Variants in SNX29 observed in about 807,000 individuals in gnomAD.
SNX29 encodes the protein sorting nexin-29.
A neutral mutation model predicts 102.1 loss-of-function variants in SNX29; 78 were observed. That is an observed-to-expected ratio of 0.76 (90% CI 0.64 to 0.92). SNX29 has a LOEUF of 0.92. Among genes scored for constraint, SNX29 ranks in the 40% least tolerant of loss-of-function variants. The probability of loss-of-function intolerance (pLI) is 0.00; values close to 1 mark genes in which losing one functional copy is unlikely to be tolerated. For synonymous variants in SNX29, 580 were observed against 414.5 expected, an observed-to-expected ratio of 1.40 and a Z score of -4.85; for missense variants, 1,280 against 1,061.7, an observed-to-expected ratio of 1.21 and a Z score of -2.86.
intron 15 of SNX29, among the ~76,000 whole-genome samples, chr16:12,344,077 G>A (rs2151268820): frequency 6.6e-6 from 1 of 152,274 alleles, no homozygotes; most frequent in South Asian, 2.1e-4. Context: ...TCTTTCTCTT[G>A]GCTCTCATTC....
chr16:12,506,407 G>C (rs776135450), intron 19 of SNX29, among the ~76,000 whole-genome samples: 7 of 152,222 alleles, frequency 4.6e-5, no homozygotes, highest in Non-Finnish European at 7.3e-5. Flanking sequence ...GGAAGTGGGA[G>C]ATGTTTGAAA....
At chr16:12,126,843 G>T (rs923460806) in intron 12 of SNX29, 147 bp downstream of exon 12, 3 of 784,530 alleles carry the variant, frequency 3.8e-6, no homozygotes, top group Non-Finnish European at 6.3e-6. Flanking sequence ...ATGCCACTGT[G>T]GTATCTCTCT....
intron 16 of SNX29, among the ~76,000 whole-genome samples, chr16:12,364,416 C>CTTCTTTTTTTTTTTTTTTTTTTTTTTTT (rs1555520124): frequency 1.1e-4 from 11 of 98,770 alleles, no homozygotes; most frequent in African/African-American, 3.7e-4. Context: ...CTCTCTTCTT[C>CTTCTTTTTTTTTTTTTTTTTTTTTTTTT]TTTTTTTTTT....
At chr16:12,285,770 T>C (rs1020498896) in intron 15 of SNX29, among the ~76,000 whole-genome samples, 1 of 152,240 alleles carries the variant, frequency 6.6e-6, no homozygotes, top group Non-Finnish European at 1.5e-5. Flanking sequence ...GGATTTTTTA[T>C]AAGGACTCAG....
intron 18 of SNX29, among the ~76,000 whole-genome samples, chr16:12,452,046 T>A (rs1406371627): frequency 6.6e-6 from 1 of 152,172 alleles, no homozygotes; most frequent in Admixed American, 6.5e-5. Flanking sequence ...GGACAGTTAT[T>A]GAGCCCCACT....
At chr16:12,279,068 T>C (rs892646394) in intron 15 of SNX29, among the ~76,000 whole-genome samples, 5 of 152,264 alleles carry the variant, frequency 3.3e-5, no homozygotes, top group Non-Finnish European at 7.3e-5. Context: ...GAGGTGTGTG[T>C]ACATGTTGTA....
At chr16:12,524,105 C>G (rs1007536407) in intron 19 of SNX29, among the ~76,000 whole-genome samples, 5 of 152,152 alleles carry the variant, frequency 3.3e-5, no homozygotes, top group South Asian at 2.1e-4. Context: ...AGGCTGGTCT[C>G]AAACTCCCAG....
chr16:12,291,509 G>A (rs925150320), intron 15 of SNX29, among the ~76,000 whole-genome samples: 1 of 152,152 alleles, frequency 6.6e-6, no homozygotes, highest in African/African-American at 2.4e-5. Flanking sequence ...AGATTTGGGT[G>A]GGGACAAAGG....
intron 13 of SNX29, among the ~76,000 whole-genome samples, chr16:12,154,275 T>A (rs1233551725): frequency 1.3e-5 from 2 of 152,186 alleles, no homozygotes; most frequent in African/African-American, 2.4e-5. Flanking sequence ...CACATTTACC[T>A]ATTTTTAGAG....
At chr16:12,244,582 C>G (rs1010989828) in intron 14 of SNX29, among the ~76,000 whole-genome samples, 2 of 152,034 alleles carry the variant, frequency 1.3e-5, no homozygotes, top group Admixed American at 6.5e-5. Flanking sequence ...TGCACTCCAG[C>G]CTAGGTGACA....
intron 15 of SNX29, among the ~76,000 whole-genome samples, chr16:12,328,173 C>T (rs1007307057): frequency 6.6e-5 from 10 of 152,162 alleles, no homozygotes; most frequent in Non-Finnish European, 1.3e-4. Flanking sequence ...CAGTGCCTCC[C>T]GCAGAGTAGA....
chr16:12,224,955 G>C (rs928856724), intron 14 of SNX29, among the ~76,000 whole-genome samples: 3 of 152,166 alleles, frequency 2.0e-5, no homozygotes, highest in African/African-American at 7.2e-5. Flanking sequence ...GAAGACTCTT[G>C]GCTTCATAGA....
chr16:12,107,234 G>C (rs557493032), intron 11 of SNX29, among the ~76,000 whole-genome samples: 3 of 152,236 alleles, frequency 2.0e-5, no homozygotes, highest in Non-Finnish European at 4.4e-5. Context: ...GGCCAGCCAA[G>C]GCGCTTCAGT....
chr16:12,188,276 C>A (rs887468023), intron 13 of SNX29, among the ~76,000 whole-genome samples: 6 of 152,204 alleles, frequency 3.9e-5, no homozygotes, highest in African/African-American at 1.2e-4. Context: ...TAGATACTTT[C>A]ATCATCCCAT....
chr16:11,979,272 C>G (rs761358771), intron 1 of SNX29, among the ~76,000 whole-genome samples: 65 of 16,298 alleles, frequency 4.0e-3, no homozygotes, highest in Non-Finnish European at 7.8e-3. Context: ...GAGACTCAGT[C>G]TCCAAAAAAA....
At chr16:12,558,235 C>CT (rs143604641) in intron 20 of SNX29, among the ~76,000 whole-genome samples, 4,511 of 76,788 alleles carry the variant, frequency 0.059, 232 homozygotes, top group African/African-American at 0.17. Flanking sequence ...TCTTCAGCCC[C>CT]CCCAGTAGAT....
intron 3 of SNX29, among the ~76,000 whole-genome samples, 156 bp downstream of exon 3, chr16:12,003,199 A>G (rs1020537073): frequency 6.6e-5 from 10 of 152,278 alleles, no homozygotes; most frequent in Middle Eastern, 6.8e-3. Flanking sequence ...GCAGCGCTGA[A>G]ATTTGACTCA....
At chr16:12,042,083 T>A (rs1246421386) in intron 4 of SNX29, among the ~76,000 whole-genome samples, 1 of 152,296 alleles carries the variant, frequency 6.6e-6, no homozygotes, top group Non-Finnish European at 1.5e-5. Flanking sequence ...CAGGCCGGAG[T>A]GCAGTGGTGC....
Position 12,554,076 on chromosome 16 carries a change from T to C in SNX29, c.2319-14430T>C, listed in dbSNP as rs551072904. The stretch of plus-strand genomic sequence containing the variant: ...CCTGACCTCAAATGATCCTCTCACC[T>C]TGGCCTCCCAAAAGCACTTGGGATT... On this transcript the variant is annotated intron_variant, in intron 20 of 20. Coordinates refer to ENST00000566228, the MANE Select transcript of SNX29 (RefSeq NM_032167.5). 7.2e-5 allele frequency among the ~76,000 whole-genome samples: 11 copies of C among 152,334 alleles called. No homozygotes were observed. The South Asian group carries it at 2.3e-3, about 32-fold the overall frequency.
Sources: allele counts gnomAD v4.1 joint callset (sites outside exome capture counted in the v4.1 genomes callset), GRCh38; gene constraint gnomAD v4.1.1; transcripts MANE v1.5; gene names NCBI Gene and HGNC (gene_info 2026-07-23, HGNC 2026-07-21).